DYSF: variants seen among roughly 807,000 people sequenced by gnomAD.
The protein encoded by DYSF is dysferlin, also known as dystrophy-associated fer-1-like 1.
A neutral mutation model predicts 274.9 loss-of-function variants in DYSF; 212 were observed. That is an observed-to-expected ratio of 0.77 (90% CI 0.69 to 0.86). The LOEUF is 0.86. Among genes scored for constraint, DYSF ranks in the 40% least tolerant of loss-of-function variants. The probability of loss-of-function intolerance (pLI) is 0.00; values close to 1 mark genes in which losing one functional copy is unlikely to be tolerated. For missense variants in DYSF, 2,666 were observed against 2,783.2 expected (o/e 0.96, Z 0.95); for synonymous variants, 1,091 against 1,078.7 (o/e 1.01, Z -0.22).
At chr2:71,669,248 G>A (rs1156257113) in intron 50 of DYSF, 41 bp downstream of exon 50, 8 of 1,489,826 alleles carry the variant, frequency 5.4e-6, no homozygotes, top group Middle Eastern at 1.8e-4. Context: ...GCTTCCCGCA[G>A]CTCCCGTGCT....
At chr2:71,592,851 C>T (rs556810831) in intron 32 of DYSF, among the ~76,000 whole-genome samples, 3 of 152,300 alleles carry the variant, frequency 2.0e-5, no homozygotes, top group African/African-American at 7.2e-5. Flanking sequence ...GCTCCTTCTC[C>T]CTGGTCGAAT....
intron 22 of DYSF, among the ~76,000 whole-genome samples, chr2:71,560,590 TC>T (rs1318667896): frequency 6.6e-6 from 1 of 151,414 alleles, no homozygotes; most frequent in Non-Finnish European, 1.5e-5. Flanking sequence ...TGCGTACTGC[TC>T]CCCCCATCCT....
chr2:71,587,177 G>A (rs981350949), intron 30 of DYSF, among the ~76,000 whole-genome samples: 33 of 152,334 alleles, frequency 2.2e-4, no homozygotes, highest in Middle Eastern at 6.8e-3. Flanking sequence ...TGGTCATTCA[G>A]GGCTGGGCTT....
At chr2:71,652,979 G>A (rs2094692845) in intron 42 of DYSF, among the ~76,000 whole-genome samples, 1 of 152,216 alleles carries the variant, frequency 6.6e-6, no homozygotes, top group Admixed American at 6.5e-5. Flanking sequence ...TGAATTGAGT[G>A]TTGAATAATC....
At position 71,556,076 on chromosome 2, in the gene DYSF, G is replaced by T; in HGVS notation, c.2216+5G>T. ...TGAGCTCATCGCAGGCTGCAGGTAG[G>T]GGGGACCTGGCGCCCCTGGTGCCCA... On this transcript the variant is annotated splice_donor_5th_base_variant and intron_variant, in intron 22 of 55. Coordinates refer to ENST00000410020, the MANE Select transcript of DYSF (RefSeq NM_001130987.2). 1 of 1,561,020 alleles carries T rather than the reference G, an allele frequency of 6.4e-7. No homozygotes were observed. Among genetic ancestry groups the T allele is most frequent in the Non-Finnish European group, 8.7e-7 (1 of 1,152,678 alleles).
At chr2:71,673,251 G>A (rs928001652) in intron 51 of DYSF, among the ~76,000 whole-genome samples, 3 of 152,210 alleles carry the variant, frequency 2.0e-5, no homozygotes, top group East Asian at 1.9e-4. Flanking sequence ...TAGTGACAGT[G>A]CTGTGGGTTG....
rs567241186 is a variant in DYSF, at chr2:71,662,795, CTG to C, written c.5004-1467_5004-1466del. 3.6e-5 allele frequency among the ~76,000 whole-genome samples: 5 copies of C among 138,716 alleles called. No individual in the cohort carries two copies. In the East Asian group the frequency reaches 6.3e-4, roughly 18 times the overall value. The allele number at this position is 138,716 out of a possible 152,430, so 91.0% of individuals were successfully genotyped here. ...TGTGTGTGTGTATGTGTGTTTGTGT[CTG>C]TGTGTCTGTGTGTGGTGTGTGTATA... On this transcript the variant is annotated intron_variant, in intron 45 of 55. Coordinates refer to ENST00000410020, the MANE Select transcript of DYSF (RefSeq NM_001130987.2).
chr2:71,570,124 G>T, intron 27 of DYSF, 105 bp from the exon 28 acceptor site: 1 of 1,174,686 alleles, frequency 8.5e-7, no homozygotes, highest in Non-Finnish European at 1.3e-6. Context: ...CTGCCCTTCT[G>T]TCTGGGACTT....
chr2:71,551,480 G>A, intron 18 of DYSF, 127 bp from the exon 19 acceptor site: 1 of 773,390 alleles, frequency 1.3e-6, no homozygotes, highest in South Asian at 1.6e-5. Context: ...CTGCAGGGGG[G>A]ATGAGGTTGG....
Position 71,611,346 on chromosome 2 carries a change from G to A in DYSF, c.4059G>A (p.Glu1353=), listed in dbSNP as rs773542731. Residue 1353 remains glutamate, a splice_region_variant and synonymous_variant, in exon 37 of 56, where the codon GAG becomes GAA. Transcript: ENST00000410020. ...CAGCGCTCCAGCGTACCGCCATCGA[G>A]GTGAGCCGTCCGGGCCTGGGCGTGG... ...IKPALQRTAI[E]ILAWGLRNMK... 12 of 1,613,706 alleles carry A rather than the reference G, an allele frequency of 7.4e-6. No homozygotes were observed. The Admixed American group carries it at 2.0e-4, about 27-fold the overall frequency.
intron 55 of DYSF, among the ~76,000 whole-genome samples, chr2:71,683,673 C>T (rs950931596): frequency 2.0e-5 from 3 of 152,358 alleles, no homozygotes; most frequent in African/African-American, 7.2e-5. Context: ...TGCACACTCC[C>T]AATCCAGGGC....
intron 43 of DYSF, among the ~76,000 whole-genome samples, chr2:71,657,454 T>C (rs891606736): frequency 1.3e-5 from 2 of 152,172 alleles, no homozygotes; most frequent in African/African-American, 4.8e-5. Flanking sequence ...GTGGCCCTCT[T>C]CTCACAGCTC....
At chr2:71,472,387 C>T (rs79888935) in intron 1 of DYSF, among the ~76,000 whole-genome samples, 1,620 of 152,244 alleles carry the variant, frequency 0.011, 23 homozygotes, top group African/African-American at 0.037. Flanking sequence ...ACAGCATTGT[C>T]CTGTAAATCT....
Position 71,669,281 on chromosome 2 carries a change from G to T in DYSF, c.5642+74G>T, listed in dbSNP as rs115124377. On this transcript the variant is annotated intron_variant, in intron 50 of 55. Transcript: ENST00000410020. ...GCTCCCTCTGGGTTGTGCACAGCAC[G>T]GGGGGCTCTGGCTCAGGGAAGGGAA... The T allele has an allele frequency of 2.4e-6, 3 of 1,272,558 alleles. No homozygotes were observed. The Admixed American group carries it at 5.9e-5, about 25-fold the overall frequency. The allele number at this position is 1,272,558 out of a possible 1,614,324, so 78.8% of individuals were successfully genotyped here. A position where few individuals can be genotyped will look rare whatever the true frequency, so the allele number is the denominator to read the frequency against.
chr2:71,664,355 G>C lies in DYSF; in HGVS notation c.5091G>C (p.Lys1697Asn), dbSNP rs755807692. 2 of 1,614,218 alleles carry C rather than the reference G, an allele frequency of 1.2e-6. No individual in the cohort carries two copies. The highest frequency in any genetic ancestry group is 2.2e-5 in the South Asian group (2 of 91,084). The change falls in exon 46 of 56, where the codon AAG becomes AAC. Residue 1697 changes from lysine to asparagine, a missense_variant. This residue lies in a region of DYSF where 1,460 missense variants were observed against 1,502.1 expected (regional missense o/e 0.97). Transcript: ENST00000410020. ...YDYDLLSKDE[K>N]IGETVVDLEN... ...ATGACCTCCTCTCCAAGGACGAAAA[G>C]ATCGGTGAGACGGTCGTCGACCTGG...
chr2:71,460,510 A>T (rs2081241041), intron 1 of DYSF, among the ~76,000 whole-genome samples: 1 of 152,242 alleles, frequency 6.6e-6, no homozygotes, highest in African/African-American at 2.4e-5. Context: ...GTCAGGTCTC[A>T]GCCACACTCT....
chr2:71,527,039 C>A (rs1291774758), intron 13 of DYSF, among the ~76,000 whole-genome samples: 1 of 152,192 alleles, frequency 6.6e-6, no homozygotes, highest in Non-Finnish European at 1.5e-5. Context: ...GGGAGTTATA[C>A]CGAATATTCT....
At position 71,669,783 on chromosome 2, in the gene DYSF, A is replaced by G. The variant is rs545605140; in HGVS notation, c.5784+37A>G. 6.8e-6 allele frequency: 11 copies of G among 1,614,064 alleles called. No homozygotes were observed. In the Admixed American group the frequency reaches 1.7e-4, roughly 24 times the overall value. On this transcript the variant is annotated intron_variant, in intron 51 of 55. Coordinates refer to ENST00000410020, the MANE Select transcript of DYSF (RefSeq NM_001130987.2). ...TCCGATTCCCTGTGGTGCCAGCACC[A>G]GGGCTTCTAAAGTTAGCCTGACCTG...
rs184488936 is a variant in DYSF, at chr2:71,503,111, C to T, written c.240-103C>T. 3.0e-5 allele frequency: 31 copies of T among 1,044,684 alleles called. No homozygotes were observed. In the East Asian group the frequency reaches 5.7e-4, roughly 19 times the overall value. 64.7% of individuals were successfully genotyped at this position (1,044,684 alleles called of 1,614,324 possible). On this transcript the variant is annotated intron_variant, in intron 3 of 55. Coordinates refer to ENST00000410020, the MANE Select transcript of DYSF (RefSeq NM_001130987.2). ...GTGGGGTGCTGGGTGACTGTGTGGT[C>T]TAGGCAGACCAGCCTCATCTGAGTG...
Sources: allele counts gnomAD v4.1 joint callset (sites outside exome capture counted in the v4.1 genomes callset), GRCh38; gene constraint gnomAD v4.1.1; regional missense constraint gnomAD v4.1.1; transcripts MANE v1.5; gene names NCBI Gene and HGNC (gene_info 2026-07-23, HGNC 2026-07-21).